DOCK8: variants seen among roughly 807,000 people sequenced by gnomAD.
DOCK8 encodes dedicator of cytokinesis 8, also known as dedicator of cytokinesis protein 8.
Under a neutral mutation model 245.6 loss-of-function variants are expected in DOCK8, and 141 were observed. The observed-to-expected ratio is 0.57, with a 90% confidence interval of 0.50 to 0.66. DOCK8 has a LOEUF of 0.66. Among genes scored for constraint, DOCK8 ranks in the 30% least tolerant of loss-of-function variants. The pLI, the probability that DOCK8 is intolerant of heterozygous loss-of-function variation, is 0.00. For synonymous variants in DOCK8, 1,168 were observed against 970.2 expected, an observed-to-expected ratio of 1.20 and a Z score of -3.79; for missense variants, 2,965 against 2,603.4, an observed-to-expected ratio of 1.14 and a Z score of -3.02.
chr9:386,077 A>G (rs1441687578), intron 22 of DOCK8, among the ~76,000 whole-genome samples: 1 of 152,196 alleles, frequency 6.6e-6, no homozygotes, highest in East Asian at 1.9e-4. Context: ...TCAGCAGCCC[A>G]GATTCTTAAA....
At chr9:400,013 T>TCAC (rs760976824) in intron 26 of DOCK8, among the ~76,000 whole-genome samples, 14,956 of 45,262 alleles carry the variant, frequency 0.33, 2,063 homozygotes, top group East Asian at 0.52. Flanking sequence ...ACCTCCACCA[T>TCAC]CACCACCACC....
At chr9:398,227 A>G (rs1465214195) in intron 25 of DOCK8, among the ~76,000 whole-genome samples, 1 of 152,180 alleles carries the variant, frequency 6.6e-6, no homozygotes, top group African/African-American at 2.4e-5. Flanking sequence ...TTAGACCCAG[A>G]TACTGAGTCA....
chr9:336,526 T>G, intron 11 of DOCK8, 56 bp from the exon 12 acceptor site: 2 of 1,611,094 alleles, frequency 1.2e-6, no homozygotes, highest in East Asian at 2.2e-5. Context: ...AGTTAATAAC[T>G]GCTGTGTGTT....
rs777832240 is a variant in DOCK8 at position 311,997 on chromosome 9, A to G, written c.572A>G (p.Lys191Arg). The change falls in exon 6 of 48, where the codon AAA (lysine) becomes AGA (arginine). Residue 191 changes from lysine to arginine, a missense_variant. This residue lies in a region of DOCK8 where 2,825 missense variants were observed against 2,453.5 expected (regional missense o/e 1.15). Coordinates refer to ENST00000432829, the MANE Select transcript of DOCK8 (RefSeq NM_203447.4). ...AACGTGCTGTGCGACGTGTCTGGGA[A>G]AGGCCCCGTCACTGCCTGTGACTTT... is the stretch of plus-strand genomic sequence containing the variant. ...HLNVLCDVSG[K>R]GPVTACDFDL... The G allele has an allele frequency of 6.2e-7, 1 of 1,614,168 alleles. No individual in the cohort carries two copies. The highest frequency in any genetic ancestry group is 1.1e-5 in the South Asian group (1 of 91,088).
intron 21 of DOCK8, among the ~76,000 whole-genome samples, chr9:381,723 G>A (rs2053727343): frequency 6.6e-6 from 1 of 152,126 alleles, no homozygotes; most frequent in Non-Finnish European, 1.5e-5. Flanking sequence ...ACTTTGGGAG[G>A]CCAAGGTGAG....
chr9:263,422 A>G (rs1236284129), intron 1 of DOCK8, among the ~76,000 whole-genome samples: 1 of 151,960 alleles, frequency 6.6e-6, no homozygotes. Flanking sequence ...TACCCCTCAA[A>G]CCTTTTGTGT....
At chr9:378,174 G>C (rs931973069) in intron 20 of DOCK8, among the ~76,000 whole-genome samples, 7 of 152,184 alleles carry the variant, frequency 4.6e-5, no homozygotes, top group East Asian at 1.9e-4. Context: ...ATTTTGCAGT[G>C]GTTGTGGGGA....
At position 436,118 on chromosome 9, in the gene DOCK8, A is replaced by G. The variant is rs16907470; in HGVS notation, c.5079+1143A>G. On this transcript the variant is annotated intron_variant, in intron 39 of 47. Transcript: ENST00000432829. The stretch of plus-strand genomic sequence containing the variant: ...TAAGTCACTGAAACTATGCTGGTGC[A>G]GCCAAGAGCTTCTGGTTTTCCAGAA... Among the ~76,000 whole-genome samples the G allele has an allele frequency of 8.6e-3, 1,306 of 152,368 alleles. 16 individuals are homozygous for G. Among genetic ancestry groups the G allele is most frequent in the African/African-American group, 0.03 (1,243 of 41,584 alleles).
chr9:437,669 AT>A (rs201574528), intron 39 of DOCK8, among the ~76,000 whole-genome samples: 2,830 of 152,336 alleles, frequency 0.019, 80 homozygotes, highest in African/African-American at 0.064. Flanking sequence ...CTCCAATGAA[AT>A]AGAGCTTTTG....
At chr9:308,976 C>T (rs1331740305) in intron 5 of DOCK8, among the ~76,000 whole-genome samples, 1 of 152,154 alleles carries the variant, frequency 6.6e-6, no homozygotes, top group Admixed American at 6.5e-5. Flanking sequence ...CTTTTAATGG[C>T]TACATAACAT....
At chr9:409,744 A>G (rs1468657963) in intron 28 of DOCK8, among the ~76,000 whole-genome samples, 1 of 141,782 alleles carries the variant, frequency 7.1e-6, no homozygotes, top group African/African-American at 2.6e-5. Flanking sequence ...CCCCCACCCC[A>G]TGACAGTCCC....
chr9:362,324 C>T (rs1450166021), intron 14 of DOCK8, among the ~76,000 whole-genome samples: 1 of 152,206 alleles, frequency 6.6e-6, no homozygotes, highest in Non-Finnish European at 1.5e-5. Flanking sequence ...ACTTCATGAA[C>T]CCTATTCCCA....
rs748115666 is a variant in DOCK8 at position 429,822 on chromosome 9, C to T, written c.4594C>T (p.Leu1532Phe). The T allele has an allele frequency of 6.2e-7, 1 of 1,614,174 alleles. No individual in the cohort carries two copies. Among genetic ancestry groups the T allele is most frequent in the South Asian group, 1.1e-5 (1 of 91,074 alleles). ...GAGCCAAGCCTGTGCCACCCTTTAC[C>T]TCCTCATGAGGTTCAGTTTTGGAGC... is the stretch of plus-strand genomic sequence containing the variant. ...TRSQACATLY[L>F]LMRFSFGATS... The change falls in exon 36 of 48, where the codon CTC becomes TTC. Residue 1532 changes from leucine (L) to phenylalanine (F), a missense_variant. Physicochemically the swap from Leu to Phe is conservative, Grantham distance 22 (BLOSUM62 0). Around this residue, in one of 3 missense-constraint regions of DOCK8, gnomAD observed 2,825 missense variants for 2,453.5 expected, o/e 1.15. Coordinates refer to ENST00000432829, the MANE Select transcript of DOCK8 (RefSeq NM_203447.4).
intron 33 of DOCK8, among the ~76,000 whole-genome samples, chr9:425,398 G>A (rs535679044): frequency 0.014 from 2,115 of 152,118 alleles, 55 homozygotes; most frequent in African/African-American, 0.048. Flanking sequence ...CGGGCGCGGT[G>A]GCGGGCGCCT....
chr9:354,846 G>C (rs1456981917), intron 14 of DOCK8, among the ~76,000 whole-genome samples: 1 of 152,192 alleles, frequency 6.6e-6, no homozygotes, highest in African/African-American at 2.4e-5. Flanking sequence ...GCAAGACAGA[G>C]GCCAGGGTCT....
chr9:395,363 G>C (rs960764449), intron 24 of DOCK8, among the ~76,000 whole-genome samples: 3 of 152,076 alleles, frequency 2.0e-5, no homozygotes, highest in African/African-American at 7.2e-5. Flanking sequence ...TGTTTTTTCT[G>C]TTTGTTTCCA....
intron 26 of DOCK8, among the ~76,000 whole-genome samples, chr9:403,408 G>A (rs1045452720): frequency 2.0e-5 from 3 of 152,134 alleles, no homozygotes; most frequent in Non-Finnish European, 4.4e-5. Context: ...AGTGCACATC[G>A]AAAGGTTATG....
At chr9:356,638 T>G (rs1348872395) in intron 14 of DOCK8, among the ~76,000 whole-genome samples, 1 of 152,168 alleles carries the variant, frequency 6.6e-6, no homozygotes, top group Non-Finnish European at 1.5e-5. Context: ...AAGCAGTGCT[T>G]CCTAGTCAGT....
chr9:380,084 C>T (rs1053849691), intron 21 of DOCK8, 149 bp downstream of exon 21: 17 of 593,498 alleles, frequency 2.9e-5, no homozygotes, highest in African/African-American at 1.8e-4. Context: ...ATGGCAGGAT[C>T]GCTTGGAGCA....
Sources: gnomAD v4.1 joint callset for allele counts (sites outside exome capture counted in the v4.1 genomes callset) on GRCh38, gnomAD v4.1.1 for gene constraint, gnomAD v4.1.1 regional missense constraint, MANE v1.5 for transcripts, NCBI Gene and HGNC (gene_info 2026-07-23, HGNC 2026-07-21) for gene names.